The following ERBB4 variants were observed in gnomAD, a reference collection of about 807,000 sequenced individuals.
ERBB4 encodes the protein receptor tyrosine-protein kinase erbB-4.
Under a neutral mutation model 158.0 loss-of-function variants are expected in ERBB4, and 42 were observed. The observed-to-expected ratio is 0.27, with a 90% CI of 0.21 to 0.34. The LOEUF is 0.34. Among genes scored for constraint, ERBB4 ranks in the 10% least tolerant of loss-of-function variants. The pLI is 1.00. For synonymous variants in ERBB4, 583 were observed against 558.7 expected (o/e 1.04, Z -0.61); for missense variants, 1,333 against 1,624.1 (o/e 0.82, Z 3.08).
At chr2:211,411,676 C>CA (rs1391724708) in intron 25 of ERBB4, among the ~76,000 whole-genome samples, 3 of 152,236 alleles carry the variant, frequency 2.0e-5, no homozygotes, top group Non-Finnish European at 1.5e-5. Flanking sequence ...AGTGACTGGT[C>CA]AACTGGAATG....
At chr2:212,503,098 G>T (rs1438548916) in intron 1 of ERBB4, among the ~76,000 whole-genome samples, 4 of 152,140 alleles carry the variant, frequency 2.6e-5, no homozygotes, top group Non-Finnish European at 1.5e-5. Context: ...AGGCTATACT[G>T]AGAATCTGGT....
At chr2:211,470,866 G>A (rs2064811939) in intron 20 of ERBB4, among the ~76,000 whole-genome samples, 1 of 152,168 alleles carries the variant, frequency 6.6e-6, no homozygotes, top group Non-Finnish European at 1.5e-5. Context: ...ATGCCCTTTG[G>A]CATGTAAATT....
intron 5 of ERBB4, among the ~76,000 whole-genome samples, chr2:211,740,124 G>A (rs765027840): frequency 6.6e-6 from 1 of 152,084 alleles, no homozygotes; most frequent in Non-Finnish European, 1.5e-5. Context: ...CTGTGTGACA[G>A]TTACTCAAGA....
chr2:211,953,092 A>G (rs920353380), intron 2 of ERBB4, among the ~76,000 whole-genome samples: 3 of 152,090 alleles, frequency 2.0e-5, no homozygotes, highest in African/African-American at 7.2e-5. Flanking sequence ...AATGGAATCG[A>G]AAAGTGGAAA....
At chr2:212,459,235 T>C (rs1410033622) in intron 1 of ERBB4, among the ~76,000 whole-genome samples, 1 of 152,042 alleles carries the variant, frequency 6.6e-6, no homozygotes, top group Non-Finnish European at 1.5e-5. Flanking sequence ...GTACACAGAA[T>C]ATTCCCATAA....
At chr2:212,489,737 T>A (rs1416140319) in intron 1 of ERBB4, among the ~76,000 whole-genome samples, 1 of 151,042 alleles carries the variant, frequency 6.6e-6, no homozygotes, top group Non-Finnish European at 1.5e-5. Flanking sequence ...ATATATATAT[T>A]ATTCTATAGA....
intron 1 of ERBB4, among the ~76,000 whole-genome samples, chr2:212,131,815 T>C (rs2125586060): frequency 6.6e-6 from 1 of 152,248 alleles, no homozygotes; most frequent in Middle Eastern, 3.4e-3. Flanking sequence ...CATTTTGCAA[T>C]GAATGTTTGT....
At chr2:211,525,594 C>T (rs1377359610) in intron 20 of ERBB4, among the ~76,000 whole-genome samples, 1 of 152,138 alleles carries the variant, frequency 6.6e-6, no homozygotes, top group African/African-American at 2.4e-5. Flanking sequence ...GTGCTGGCTT[C>T]AGGCACCAGG....
intron 4 of ERBB4, among the ~76,000 whole-genome samples, chr2:211,754,651 C>T (rs887963319): frequency 2.7e-5 from 4 of 148,860 alleles, no homozygotes; most frequent in Middle Eastern, 4.1e-3. Context: ...TCATGATCCA[C>T]CCATCTAGGC....
chr2:211,501,215 G>A (rs2065606149), intron 20 of ERBB4, among the ~76,000 whole-genome samples: 1 of 151,808 alleles, frequency 6.6e-6, no homozygotes, highest in African/African-American at 2.4e-5. Flanking sequence ...AAAATAAACA[G>A]CATAAGAAGG....
chr2:211,672,661 A>G (rs1431307205), intron 14 of ERBB4, among the ~76,000 whole-genome samples: 1 of 152,186 alleles, frequency 6.6e-6, no homozygotes, highest in African/African-American at 2.4e-5. Flanking sequence ...AAAATGTGTG[A>G]TAGCTTTCCT....
intron 11 of ERBB4, among the ~76,000 whole-genome samples, chr2:211,703,659 A>G (rs1192320057): frequency 3.3e-5 from 5 of 152,292 alleles, no homozygotes; most frequent in African/African-American, 1.2e-4. Context: ...CTACACGTAC[A>G]GTGGTGGACG....
chr2:212,183,497 C>T (rs576348528), intron 1 of ERBB4, among the ~76,000 whole-genome samples: 1 of 151,922 alleles, frequency 6.6e-6, no homozygotes, highest in African/African-American at 2.4e-5. Flanking sequence ...TGAGATATCA[C>T]TAAATTAGTG....
Position 212,122,786 on chromosome 2 carries a change from T to TA in ERBB4, c.234+1965dup, listed in dbSNP as rs543850858. Among the ~76,000 whole-genome samples the TA allele has an allele frequency of 5.3e-3, 804 of 151,818 alleles. 3 individuals carry two copies. Among genetic ancestry groups the TA allele is most frequent in the Non-Finnish European group, 8.9e-3 (601 of 67,880 alleles). ...ACCATAAGAATTATTATAAAATATA[T>TA]AAAAAGACATTTTTATATATTATTT... On this transcript the variant is annotated intron_variant, in intron 2 of 27. Coordinates refer to ENST00000342788, the MANE Select transcript of ERBB4 (RefSeq NM_005235.3).
rs868076031 is a variant in ERBB4 at position 211,870,120 on chromosome 2, T to G, written c.421+77310A>C. 8.5e-5 allele frequency among the ~76,000 whole-genome samples: 13 copies of G among 152,300 alleles called. 1 individual carries two copies. In the South Asian group the frequency reaches 1.9e-3, roughly 22 times the overall value. ...CTTTTTATAGTTGCCCATACAACTC[T>G]AATAGGTTTTGTAAACTTTTAATTT... is the stretch of plus-strand genomic sequence containing the variant. On this transcript the variant is annotated intron_variant, in intron 3 of 27. Transcript: ENST00000342788.
intron 1 of ERBB4, among the ~76,000 whole-genome samples, chr2:212,327,188 A>C (rs1254353720): frequency 7.1e-6 from 1 of 141,412 alleles, no homozygotes; most frequent in Non-Finnish European, 1.6e-5. Flanking sequence ...TATGGCTATT[A>C]TTATTGTTAC....
intron 2 of ERBB4, among the ~76,000 whole-genome samples, chr2:212,015,323 G>A (rs866410146): frequency 6.6e-6 from 1 of 151,642 alleles, no homozygotes; most frequent in Non-Finnish European, 1.5e-5. Context: ...CCAATTCACT[G>A]TCAACAGAGA....
chr2:211,996,981 T>C (rs1019707374), intron 2 of ERBB4, among the ~76,000 whole-genome samples: 2 of 152,180 alleles, frequency 1.3e-5, no homozygotes, highest in African/African-American at 4.8e-5. Context: ...CGATGAGGAC[T>C]AAAGGTTTGT....
At chr2:211,729,200 C>G (rs2074359742) in intron 5 of ERBB4, among the ~76,000 whole-genome samples, 1 of 151,620 alleles carries the variant, frequency 6.6e-6, no homozygotes. Context: ...ATATTATATT[C>G]CCTTTTAGAA....
Sources: allele counts gnomAD v4.1 joint callset (sites outside exome capture counted in the v4.1 genomes callset), GRCh38; gene constraint gnomAD v4.1.1; transcripts MANE v1.5; gene names NCBI Gene and HGNC (gene_info 2026-07-23, HGNC 2026-07-21).